Variants in LOC112694756 observed in about 807,000 individuals in gnomAD.
the LOC112694756 span, chr16:30,067,425 C>G: frequency 6.2e-7 from 1 of 1,613,646 alleles, no homozygotes; most frequent in Non-Finnish European, 8.5e-7. Flanking sequence ...AGGCTGATCC[C>G]CTAATTCCCA....
the LOC112694756 span, chr16:30,069,288 C>T: frequency 1.2e-6 from 2 of 1,613,992 alleles, no homozygotes; most frequent in South Asian, 1.1e-5. Flanking sequence ...CACAGTGACC[C>T]TGTCCCTCGC....
chr16:30,067,506 C>T, the LOC112694756 span: 13 of 1,613,700 alleles, frequency 8.1e-6, no homozygotes, highest in Middle Eastern at 1.6e-4. Context: ...GGAGAACCGG[C>T]GCTTCTACCG....
the LOC112694756 span, among the ~76,000 whole-genome samples, chr16:30,065,505 G>C: frequency 2.6e-5 from 4 of 152,224 alleles, no homozygotes; most frequent in South Asian, 6.2e-4. Flanking sequence ...AGCGCGCCAG[G>C]CTGGGGGAAA....
chr16:30,058,868 T>TA, the LOC112694756 span: 1 of 396,820 alleles, frequency 2.5e-6, no homozygotes, highest in Admixed American at 4.4e-5. Flanking sequence ...ATTTATGGAG[T>TA]TACTGTTGAG....
the LOC112694756 span, among the ~76,000 whole-genome samples, chr16:30,055,914 C>A: frequency 6.6e-6 from 1 of 152,116 alleles, no homozygotes; most frequent in Non-Finnish European, 1.5e-5. Flanking sequence ...ATTCTCCTGC[C>A]TCAGCCTCCT....
At chr16:30,053,826 G>A in the LOC112694756 span, among the ~76,000 whole-genome samples, 2 of 152,166 alleles carry the variant, frequency 1.3e-5, no homozygotes, top group Non-Finnish European at 2.9e-5. Flanking sequence ...AGAGGGGGAG[G>A]GAGAGAGGTA....
chr16:30,058,848 C>G, the LOC112694756 span: 1 of 394,742 alleles, frequency 2.5e-6, no homozygotes, highest in Non-Finnish European at 4.5e-6. Context: ...CATTGACTCA[C>G]TCACCAAAGA....
At chr16:30,066,895 C>T in the LOC112694756 span, 1 of 1,549,576 alleles carries the variant, frequency 6.5e-7, no homozygotes, top group African/African-American at 1.4e-5. Context: ...GCAAGGTGAC[C>T]CCATGGCAAG....
chr16:30,066,983 G>A, the LOC112694756 span: 3 of 1,558,518 alleles, frequency 1.9e-6, no homozygotes, highest in Admixed American at 1.9e-5. Flanking sequence ...CCAGTTGCCA[G>A]TGGGCAACTC....
chr16:30,066,836 A>T, the LOC112694756 span: 1 of 1,524,162 alleles, frequency 6.6e-7, no homozygotes, highest in African/African-American at 1.4e-5. Flanking sequence ...CCTCTGCTTG[A>T]TTCACGATCT....
At chr16:30,066,842 G>T in the LOC112694756 span, 1 of 1,528,410 alleles carries the variant, frequency 6.5e-7, no homozygotes, top group Non-Finnish European at 8.8e-7. Flanking sequence ...CTTGATTCAC[G>T]ATCTTTACAT....
the LOC112694756 span, among the ~76,000 whole-genome samples, chr16:30,058,285 C>T: frequency 6.6e-6 from 1 of 152,078 alleles, no homozygotes; most frequent in Non-Finnish European, 1.5e-5. Context: ...TATTTAAGTC[C>T]CTCCCTCTTC....
the LOC112694756 span, among the ~76,000 whole-genome samples, chr16:30,066,397 C>G: frequency 6.6e-6 from 1 of 152,198 alleles, no homozygotes; most frequent in Non-Finnish European, 1.5e-5. Flanking sequence ...ATCGGGCGAC[C>G]TTGATTCTGA....
the LOC112694756 span, chr16:30,068,367 GTAAC>G: frequency 2.2e-6 from 1 of 454,264 alleles, no homozygotes; most frequent in Non-Finnish European, 4.1e-6. Flanking sequence ...CCCGGCTTAA[GTAAC>G]TAAATATTTT....
At chr16:30,056,446 T>C in the LOC112694756 span, among the ~76,000 whole-genome samples, 1 of 152,172 alleles carries the variant, frequency 6.6e-6, no homozygotes, top group African/African-American at 2.4e-5. Flanking sequence ...AAAGTACCAA[T>C]CACTTTACAA....
the LOC112694756 span, among the ~76,000 whole-genome samples, chr16:30,066,641 C>A: frequency 6.6e-6 from 1 of 152,184 alleles, no homozygotes; most frequent in Non-Finnish European, 1.5e-5. Context: ...AAAAGCCTGA[C>A]CTTGGGATGT....
At chr16:30,064,152 C>T in the LOC112694756 span, 5 of 398,518 alleles carry the variant, frequency 1.3e-5, no homozygotes, top group East Asian at 7.1e-5. Flanking sequence ...CTGCTCACCA[C>T]ACACAAGTGT....
At chr16:30,066,779 C>T in the LOC112694756 span, 2 of 1,315,360 alleles carry the variant, frequency 1.5e-6, no homozygotes, top group Non-Finnish European at 2.1e-6. Context: ...TGGCTTGAAG[C>T]ACAGACCTTT....
the LOC112694756 span, chr16:30,068,951 G>T: frequency 6.2e-7 from 1 of 1,614,220 alleles, no homozygotes; most frequent in Non-Finnish European, 8.5e-7. Context: ...CCAATGTTCT[G>T]GCCCGTTATG....
Sources: gnomAD v4.1 joint callset for allele counts (sites outside exome capture counted in the v4.1 genomes callset) on GRCh38, gnomAD v4.1.1 for gene constraint, MANE v1.5 for transcripts.